RCC1L: variants seen among roughly 807,000 people sequenced by gnomAD.
RCC1L encodes the protein RCC1-like G exchanging factor-like protein.
A neutral mutation model predicts 58.6 loss-of-function variants in RCC1L; 46 were observed. That is an observed-to-expected ratio of 0.79 (90% CI 0.62 to 1.00). The LOEUF (loss-of-function observed/expected upper bound fraction) is 1.00. RCC1L is among the 50% of genes least tolerant of loss of function. The probability of loss-of-function intolerance (pLI) is 0.00; values close to 1 mark genes in which losing one functional copy is unlikely to be tolerated. For synonymous variants in RCC1L, 281 were observed against 262.9 expected, an observed-to-expected ratio of 1.07 and a Z score of -0.67; for missense variants, 636 against 623.6, an observed-to-expected ratio of 1.02 and a Z score of -0.21.
intron 10 of RCC1L, among the ~76,000 whole-genome samples, 196 bp downstream of exon 10, chr7:75,052,515 A>C (rs1805943189): frequency 6.6e-6 from 1 of 152,212 alleles, no homozygotes; most frequent in South Asian, 2.1e-4. Flanking sequence ...CAGATGCACC[A>C]CGGGTATCTC....
At chr7:75,071,538 C>T (rs587700424) in intron 1 of RCC1L, among the ~76,000 whole-genome samples, 9 of 152,098 alleles carry the variant, frequency 5.9e-5, no homozygotes, top group Admixed American at 2.6e-4. Flanking sequence ...CTCAGCTACT[C>T]GGGAGGCAGG....
downstream of RCC1L, among the ~76,000 whole-genome samples, chr7:75,041,234 C>CTAAA (rs1298234545): frequency 6.6e-6 from 1 of 151,318 alleles, no homozygotes; most frequent in African/African-American, 2.4e-5. Flanking sequence ...AACTAACTAA[C>CTAAA]TAACTAAATA....
chr7:75,066,613 C>T (rs1262235334), intron 3 of RCC1L, 51 bp downstream of exon 3: 11 of 1,603,666 alleles, frequency 6.9e-6, no homozygotes, highest in Non-Finnish European at 8.5e-6. Flanking sequence ...CTCCAGTTCA[C>T]AGTGAAATGG....
At chr7:75,049,036 C>T (rs1343158399) in intron 10 of RCC1L, among the ~76,000 whole-genome samples, 3 of 152,144 alleles carry the variant, frequency 2.0e-5, no homozygotes, top group African/African-American at 7.2e-5. Flanking sequence ...TGTCACCTCC[C>T]GGGCCCACAT....
At chr7:75,068,005 G>C (rs1340525010) in intron 2 of RCC1L, among the ~76,000 whole-genome samples, 3 of 151,988 alleles carry the variant, frequency 2.0e-5, no homozygotes, top group African/African-American at 7.2e-5. Flanking sequence ...GTCTAAAATT[G>C]CTCTGAATAA....
intron 6 of RCC1L, 37 bp downstream of exon 6, chr7:75,061,170 G>T: frequency 6.4e-7 from 1 of 1,558,262 alleles, no homozygotes; most frequent in Non-Finnish European, 8.9e-7. Flanking sequence ...CACGGGCTGA[G>T]AAGTTTCACG....
At position 75,063,282 on chromosome 7, in the gene RCC1L, T is replaced by A. The variant is rs782049050; in HGVS notation, c.702+10A>T. 3.7e-6 allele frequency: 6 copies of A among 1,613,792 alleles called. No homozygotes were observed. The highest frequency in any genetic ancestry group is 5.1e-6 in the Non-Finnish European group (6 of 1,179,822). ...AACACAACAAGCAGCTCTCGGCCCA[T>A]CTCTCTTACCTGGACCACCTGGCCA... On this transcript the variant is annotated intron_variant, in intron 5 of 10. Transcript: ENST00000610322.
rs1806833146 is a variant in RCC1L at position 75,073,310 on chromosome 7, G to A, written c.324+104C>T. 3 of 513,976 alleles carry A rather than the reference G, an allele frequency of 5.8e-6. No homozygotes were observed. The South Asian group carries it at 1.4e-4, about 25-fold the overall frequency. 31.8% of individuals were successfully genotyped at this position (513,976 alleles called of 1,614,324 possible). ...TCGAGGGTCGTCCTGCCGGAAGTCT[G>A]TCCACCCAGAGGAGCCAACTTCTTG... On this transcript the variant is annotated intron_variant, in intron 1 of 10. Transcript: ENST00000610322.
rs1437196656 is a variant in RCC1L, at chr7:75,050,386, G to C, written c.1317+2325C>G. On this transcript the variant is annotated intron_variant, in intron 10 of 10. Transcript: ENST00000610322. ...AGTGACCCAGATGGAATGTCAACGG[G>C]ATCGGGCTCCGGCCACTCCCTGCCC... Among the ~76,000 whole-genome samples, 3 of 152,320 alleles carry C rather than the reference G, an allele frequency of 2.0e-5. No individual in the cohort carries two copies. In the East Asian group the frequency reaches 5.8e-4, roughly 29 times the overall value.
In RCC1L at chr7:75,058,746, TG is replaced by T; in HGVS notation, c.810del (p.Ser271AlafsTer13). ...TCTCCACCCAGCTTGGTGGGCGAGC[TG>T]GTGATATTGTAGTGACCCAGACCTA... ...GQTGLGHYNI[T>X]SSPTKLGGDL... On this transcript the variant is annotated frameshift_variant, in exon 7 of 11. Coordinates refer to ENST00000610322, the MANE Select transcript of RCC1L (RefSeq NM_030798.5). LOFTEE classifies it high-confidence loss of function. 6.2e-7 allele frequency: 1 copy of T among 1,613,970 alleles called. No homozygotes were observed. Among genetic ancestry groups the T allele is most frequent in the Non-Finnish European group, 8.5e-7 (1 of 1,179,840 alleles).
chr7:75,051,565 A>G (rs2131986802), intron 10 of RCC1L, among the ~76,000 whole-genome samples: 1 of 152,000 alleles, frequency 6.6e-6, no homozygotes, highest in South Asian at 2.1e-4. Flanking sequence ...GGCGTGTGCC[A>G]CCATGCCTGG....
intron 1 of RCC1L, among the ~76,000 whole-genome samples, chr7:75,072,192 GGA>G (rs150506038): frequency 1.6e-5 from 1 of 63,268 alleles, no homozygotes; most frequent in African/African-American, 4.2e-5. Flanking sequence ...ATATATATAT[GGA>G]GAGAGAGAGA....
intron 7 of RCC1L, 66 bp downstream of exon 7, chr7:75,058,522 C>A: frequency 6.5e-7 from 1 of 1,545,104 alleles, no homozygotes; most frequent in Non-Finnish European, 8.8e-7. Flanking sequence ...TGAGCCACCA[C>A]ACCCGGCCCC....
At position 75,043,117 on chromosome 7, in the gene RCC1L, A is replaced by G. The variant is rs1805615267; in HGVS notation, c.1318-8T>C. The G allele has an allele frequency of 3.1e-6, 5 of 1,614,004 alleles. No individual in the cohort carries two copies. In the African/African-American group the frequency reaches 4.0e-5, roughly 13 times the overall value. On this transcript the variant is annotated splice_region_variant and splice_polypyrimidine_tract_variant and intron_variant, in intron 10 of 10. Transcript: ENST00000610322. ...CTCCCCAGGCATCGTCACCTGAAAA[A>G]TAAGATCCAGCATACCATGGGTGGG...
intron 2 of RCC1L, among the ~76,000 whole-genome samples, chr7:75,069,200 C>CT (rs1373740566): frequency 1.4e-5 from 2 of 147,916 alleles, no homozygotes; most frequent in Non-Finnish European, 3.0e-5. Flanking sequence ...TTTCTTTTTT[C>CT]TTTTTTTTAA....
chr7:75,044,432 C>T (rs1805656430), intron 10 of RCC1L, among the ~76,000 whole-genome samples: 1 of 151,470 alleles, frequency 6.6e-6, no homozygotes, highest in African/African-American at 2.4e-5. Context: ...AACCCTGTCT[C>T]TACTAAAAAT....
In RCC1L at chr7:75,073,591, C is replaced by T. The variant is rs1554446513; in HGVS notation, c.147G>A (p.Gln49=). The T allele has an allele frequency of 3.3e-6, 5 of 1,531,870 alleles. No homozygotes were observed. The highest frequency in any genetic ancestry group is 4.3e-6 in the Non-Finnish European group (5 of 1,150,172). The allele number at this position is 1,531,870 out of a possible 1,614,324, so 94.9% of individuals were successfully genotyped here. ...AEAEAEVPVV[Q]YVGERAARAD... is the part of the protein sequence containing the mutation. ...CGCGGGCAGCGCGCTCGCCCACGTA[C>T]TGGACCACGGGCACCTCCGCCTCGG... Residue 49 remains glutamine, a synonymous_variant, in exon 1 of 11, where the codon CAG becomes CAA. Coordinates refer to ENST00000610322, the MANE Select transcript of RCC1L (RefSeq NM_030798.5).
exon 11 of RCC1L, chr7:75,027,476 C>G (rs1011401945): frequency 1.3e-5 from 2 of 159,602 alleles, no homozygotes; most frequent in Non-Finnish European, 2.8e-5. Flanking sequence ...TGTCCTGCCT[C>G]CGTGGGTGGC....
chr7:75,070,509 T>C lies in RCC1L; in HGVS notation c.454+131A>G, dbSNP rs1394448159. 5.7e-6 allele frequency: 7 copies of C among 1,236,340 alleles called. No individual in the cohort carries two copies. The African/African-American group carries it at 7.7e-5, about 14-fold the overall frequency. 76.6% of individuals were successfully genotyped at this position (1,236,340 alleles called of 1,614,324 possible). ...TCACTTGAACCCGGGAGGTGGAGGT[T>C]GCAGTGAGCCAGGATCTCGCCACTG... On this transcript the variant is annotated intron_variant, in intron 2 of 10. Transcript: ENST00000610322.
Sources: allele counts gnomAD v4.1 joint callset (sites outside exome capture counted in the v4.1 genomes callset), GRCh38; gene constraint gnomAD v4.1.1; transcripts MANE v1.5; gene names NCBI Gene and HGNC (gene_info 2026-07-23, HGNC 2026-07-21).